Variants in TENM2 observed in about 807,000 individuals in gnomAD.
The protein encoded by TENM2 is teneurin transmembrane protein 2.
A neutral mutation model predicts 245.2 loss-of-function variants in TENM2; 52 were observed. The ratio of observed to expected loss-of-function variants is 0.21; its 90% CI spans 0.17 to 0.27. TENM2 has a LOEUF of 0.27. Among genes scored for constraint, TENM2 ranks in the 10% least tolerant of loss-of-function variants. The probability of loss-of-function intolerance (pLI) is 1.00; values close to 1 mark genes in which losing one functional copy is unlikely to be tolerated. For synonymous variants in TENM2, 1,363 were observed against 1,438.9 expected (o/e 0.95, Z 1.19); for missense variants, 3,046 against 3,666.8 (o/e 0.83, Z 4.37).
the TENM2 span, among the ~76,000 whole-genome samples, chr5:167,151,563 G>A: frequency 2.2e-3 from 332 of 152,146 alleles, no homozygotes; most frequent in Middle Eastern, 0.014. Context: ...TCTGTCACCA[G>A]GCTGGAGTGC....
chr5:167,328,295 C>T (rs989795256), intron 1 of TENM2, among the ~76,000 whole-genome samples: 11 of 142,010 alleles, frequency 7.7e-5, no homozygotes, highest in Non-Finnish European at 1.2e-4. Context: ...CAACCTCTGT[C>T]TCCTGGGTTT....
chr5:167,961,837 G>A lies in TENM2; in HGVS notation c.947+9015G>A, dbSNP rs141140115. 2.1e-4 allele frequency among the ~76,000 whole-genome samples: 32 copies of A among 152,290 alleles called. No homozygotes were observed. The East Asian group carries it at 6.0e-3, about 29-fold the overall frequency. The stretch of plus-strand genomic sequence containing the variant: ...AAGTTCCTACACCCAAAATAAGGTG[G>A]TGGAATGTCTGATGGGTGAACAACC... On this transcript the variant is annotated intron_variant, in intron 4 of 28. Coordinates refer to ENST00000518659, the Ensembl canonical transcript of TENM2.
intron 15 of TENM2, among the ~76,000 whole-genome samples, chr5:168,197,584 C>T (rs1761554141): frequency 6.6e-6 from 1 of 151,766 alleles, no homozygotes; most frequent in Non-Finnish European, 1.5e-5. Flanking sequence ...CCTGTAATTC[C>T]AGCTACTTGG....
At chr5:168,032,582 G>A (rs1337699539) in intron 5 of TENM2, among the ~76,000 whole-genome samples, 4 of 152,304 alleles carry the variant, frequency 2.6e-5, no homozygotes, top group African/African-American at 7.2e-5. Flanking sequence ...GATCCCATAG[G>A]TCCAGCCACC....
At chr5:167,033,950 T>C in the TENM2 span, among the ~76,000 whole-genome samples, 1 of 152,228 alleles carries the variant, frequency 6.6e-6, no homozygotes, top group African/African-American at 2.4e-5. Flanking sequence ...AAAATTCTTA[T>C]ATCATGTTGT....
chr5:168,015,355 G>T (rs1214351627), intron 5 of TENM2, among the ~76,000 whole-genome samples: 1 of 152,210 alleles, frequency 6.6e-6, no homozygotes, highest in Admixed American at 6.5e-5. Flanking sequence ...GCAGGGGAAA[G>T]AACTTGTCCA....
At chr5:167,206,901 A>G in the TENM2 span, among the ~76,000 whole-genome samples, 1 of 152,218 alleles carries the variant, frequency 6.6e-6, no homozygotes, top group Non-Finnish European at 1.5e-5. Flanking sequence ...GCAAACAGAC[A>G]AATGAAGAAG....
intron 1 of TENM2, among the ~76,000 whole-genome samples, chr5:167,302,816 C>T (rs570841393): frequency 7.2e-5 from 11 of 152,202 alleles, no homozygotes; most frequent in South Asian, 2.1e-4. Flanking sequence ...CGGGACTTGC[C>T]GCTAAGGGTG....
the TENM2 span, among the ~76,000 whole-genome samples, chr5:166,982,624 T>C: frequency 1.3e-5 from 2 of 152,118 alleles, no homozygotes; most frequent in South Asian, 4.1e-4. Context: ...GCCTATGTTA[T>C]TGTCTTTCAT....
At chr5:167,155,980 T>C in the TENM2 span, among the ~76,000 whole-genome samples, 2 of 152,350 alleles carry the variant, frequency 1.3e-5, no homozygotes, top group Non-Finnish European at 2.9e-5. Context: ...TGGGTACAGC[T>C]ATAGCAAAGC....
intron 2 of TENM2, among the ~76,000 whole-genome samples, chr5:167,698,031 T>C (rs893265022): frequency 6.8e-6 from 1 of 147,792 alleles, no homozygotes; most frequent in Non-Finnish European, 1.5e-5. Context: ...GTATTTGCCT[T>C]TATTTTCCAA....
At chr5:167,951,841 AAT>A (rs955631329) in intron 3 of TENM2, among the ~76,000 whole-genome samples, 12 of 151,176 alleles carry the variant, frequency 7.9e-5, no homozygotes, top group Non-Finnish European at 1.8e-4. Context: ...TACATACGCA[AAT>A]ATGTGTGTAT....
At chr5:167,834,276 C>T (rs1195850407) in intron 2 of TENM2, among the ~76,000 whole-genome samples, 2 of 152,158 alleles carry the variant, frequency 1.3e-5, no homozygotes, top group Non-Finnish European at 2.9e-5. Flanking sequence ...AGAAGCCAGC[C>T]ATGTATAGAT....
chr5:168,069,101 C>T (rs1472921308), intron 7 of TENM2, among the ~76,000 whole-genome samples: 1 of 152,164 alleles, frequency 6.6e-6, no homozygotes, highest in Non-Finnish European at 1.5e-5. Flanking sequence ...ACATATTACA[C>T]ATTCATTTGG....
At chr5:167,844,089 A>G (rs1769807657) in intron 2 of TENM2, among the ~76,000 whole-genome samples, 2 of 152,222 alleles carry the variant, frequency 1.3e-5, no homozygotes, top group African/African-American at 2.4e-5. Flanking sequence ...CTCAGTGTCC[A>G]GGTGGCTTTA....
chr5:168,043,277 T>G (rs1310188634), intron 5 of TENM2, among the ~76,000 whole-genome samples: 1 of 151,892 alleles, frequency 6.6e-6, no homozygotes, highest in East Asian at 1.9e-4. Flanking sequence ...TTGGTAGAGA[T>G]AGGGTCTTCC....
chr5:167,307,121 TG>T (rs1755727004), intron 1 of TENM2, among the ~76,000 whole-genome samples: 2 of 152,228 alleles, frequency 1.3e-5, no homozygotes, highest in South Asian at 4.1e-4. Context: ...TGAGATGGTC[TG>T]GACAGGCAGG....
intron 1 of TENM2, among the ~76,000 whole-genome samples, chr5:167,357,168 C>T (rs578021723): frequency 1.8e-4 from 28 of 152,176 alleles, no homozygotes; most frequent in South Asian, 6.2e-4. Context: ...AAATTTGTAA[C>T]GTAATACTAA....
chr5:167,931,014 G>A (rs576515604), intron 3 of TENM2, among the ~76,000 whole-genome samples: 11 of 152,080 alleles, frequency 7.2e-5, no homozygotes, highest in African/African-American at 2.2e-4. Flanking sequence ...GCAGAAGATC[G>A]CAAACTAGTG....
Sources: allele counts gnomAD v4.1 joint callset (sites outside exome capture counted in the v4.1 genomes callset), GRCh38; gene constraint gnomAD v4.1.1; transcripts MANE v1.5; gene names NCBI Gene and HGNC (gene_info 2026-07-23, HGNC 2026-07-21).